Variants in SLC30A7 observed in about 807,000 individuals in gnomAD.
SLC30A7 encodes zinc transporter 7.
A neutral mutation model predicts 46.0 loss-of-function variants in SLC30A7; 35 were observed. The ratio of observed to expected loss-of-function variants is 0.76; its 90% CI spans 0.58 to 1.01. The LOEUF (loss-of-function observed/expected upper bound fraction) is 1.01. Ranked by LOEUF, SLC30A7 falls within the 50% of genes least tolerant of loss-of-function variation. The pLI is 0.00. For missense variants in SLC30A7, 464 were observed against 451.1 expected, an observed-to-expected ratio of 1.03 and a Z score of -0.26; for synonymous variants, 147 against 157.8, an observed-to-expected ratio of 0.93 and a Z score of 0.51.
At chr1:100,971,830 G>T (rs1446573052) in intron 10 of SLC30A7, among the ~76,000 whole-genome samples, 1 of 152,154 alleles carries the variant, frequency 6.6e-6, no homozygotes, top group South Asian at 2.1e-4. Flanking sequence ...ATGTACAGTC[G>T]AAATAATTTT....
chr1:100,924,942 C>T (rs957498996), intron 8 of SLC30A7, among the ~76,000 whole-genome samples: 36 of 152,158 alleles, frequency 2.4e-4, no homozygotes, highest in Non-Finnish European at 1.6e-4. Flanking sequence ...CCTACTTAAT[C>T]GTAGATAAGA....
chr1:100,906,791 G>A (rs1651704054), intron 2 of SLC30A7, 61 bp from the exon 3 acceptor site: 1 of 1,118,348 alleles, frequency 8.9e-7, no homozygotes, highest in Admixed American at 1.7e-5. Flanking sequence ...TAGACTTTCA[G>A]AGAAAGATGC....
intron 8 of SLC30A7, among the ~76,000 whole-genome samples, chr1:100,935,388 A>G (rs1275217957): frequency 6.6e-6 from 1 of 152,156 alleles, no homozygotes. Flanking sequence ...TTCAGAAACC[A>G]AAACTAGTTC....
At chr1:100,900,679 A>C (rs1651252893) in intron 2 of SLC30A7, among the ~76,000 whole-genome samples, 1 of 152,146 alleles carries the variant, frequency 6.6e-6, no homozygotes, top group Admixed American at 6.5e-5. Flanking sequence ...TTTCACTGTA[A>C]CTCATTTAGT....
chr1:100,912,237 T>C lies in SLC30A7; in HGVS notation c.510T>C (p.Ser170=), dbSNP rs1036444702. The C allele has an allele frequency of 3.1e-6, 5 of 1,613,240 alleles. No homozygotes were observed. The highest frequency in any genetic ancestry group is 4.2e-6 in the Non-Finnish European group (5 of 1,179,734). The change falls in exon 5 of 11, where the codon TCT becomes TCC. Residue 170 remains serine, a splice_region_variant and synonymous_variant. Transcript: ENST00000357650. ...KHGGHGHSHG[S]GHGHSHSLFN... is the part of the protein sequence containing the mutation. Reference sequence around the variant, plus strand: ...GAGGTCATGGACATTCTCATGGCTCTGGTATGATGGTTAGGACACTTTGTT... The same window carrying C: ...GAGGTCATGGACATTCTCATGGCTCCGGTATGATGGTTAGGACACTTTGTT...
At chr1:100,907,520 A>T (rs576984206) in intron 3 of SLC30A7, among the ~76,000 whole-genome samples, 3 of 152,182 alleles carry the variant, frequency 2.0e-5, no homozygotes, top group Admixed American at 6.5e-5. Flanking sequence ...TGGATTTTTC[A>T]TTATTTGATT....
chr1:100,946,917 G>T (rs1654674811), intron 8 of SLC30A7, among the ~76,000 whole-genome samples: 1 of 152,016 alleles, frequency 6.6e-6, no homozygotes, highest in African/African-American at 2.4e-5. Flanking sequence ...GTCTGGTCCT[G>T]GACTTTTTTT....
intron 10 of SLC30A7, among the ~76,000 whole-genome samples, chr1:100,971,555 T>C (rs1303481146): frequency 6.6e-6 from 1 of 152,106 alleles, no homozygotes; most frequent in Non-Finnish European, 1.5e-5. Flanking sequence ...GGTTGATGAA[T>C]AGTGGTGGAA....
At chr1:100,989,414 C>T in the SLC30A7 span, among the ~76,000 whole-genome samples, 2 of 152,090 alleles carry the variant, frequency 1.3e-5, no homozygotes, top group Non-Finnish European at 1.5e-5. Flanking sequence ...GTATGAGCCA[C>T]GTAATTAGGA....
the SLC30A7 span, among the ~76,000 whole-genome samples, chr1:100,988,763 T>A: frequency 1.3e-5 from 2 of 152,020 alleles, no homozygotes; most frequent in Admixed American, 6.6e-5. Flanking sequence ...GGCAGGATAA[T>A]CGCTTGAACC....
downstream of SLC30A7, among the ~76,000 whole-genome samples, chr1:100,984,344 C>T (rs1448453148): frequency 6.6e-6 from 1 of 152,122 alleles, no homozygotes; most frequent in Non-Finnish European, 1.5e-5. Flanking sequence ...GAGGCTCAAC[C>T]AAGAAGGGGA....
chr1:100,936,189 G>C (rs1250778274), intron 8 of SLC30A7, among the ~76,000 whole-genome samples: 1 of 151,828 alleles, frequency 6.6e-6, no homozygotes, highest in Non-Finnish European at 1.5e-5. Flanking sequence ...CGGCTGAAGT[G>C]GTAATTGTGA....
At chr1:100,950,632 T>C (rs529774775) in intron 8 of SLC30A7, among the ~76,000 whole-genome samples, 1 of 152,332 alleles carries the variant, frequency 6.6e-6, no homozygotes, top group South Asian at 2.1e-4. Context: ...TTTGCATTTT[T>C]TTCTGTGGGC....
chr1:100,897,455 T>G (rs1651042510), intron 2 of SLC30A7, among the ~76,000 whole-genome samples: 1 of 152,168 alleles, frequency 6.6e-6, no homozygotes, highest in Admixed American at 6.5e-5. Context: ...GATCCCATAC[T>G]CCTTCAAAAA....
chr1:100,919,792 A>G (rs377641129), intron 7 of SLC30A7, among the ~76,000 whole-genome samples: 1 of 152,288 alleles, frequency 6.6e-6, no homozygotes, highest in African/African-American at 2.4e-5. Context: ...AAGAACAGAG[A>G]AAACTACCTG....
At chr1:100,973,030 G>C (rs1449991079) in intron 10 of SLC30A7, among the ~76,000 whole-genome samples, 2 of 148,152 alleles carry the variant, frequency 1.3e-5, no homozygotes, top group African/African-American at 5.0e-5. Context: ...TCTTAAATTT[G>C]AATAACAGAG....
chr1:100,988,743 G>A, the SLC30A7 span, among the ~76,000 whole-genome samples: 4 of 151,988 alleles, frequency 2.6e-5, no homozygotes, highest in South Asian at 2.1e-4. Flanking sequence ...CCAGCTACTC[G>A]GGAGGCTGAG....
chr1:100,918,316 T>C (rs1570528482), intron 7 of SLC30A7, among the ~76,000 whole-genome samples, 189 bp downstream of exon 7: 1 of 152,206 alleles, frequency 6.6e-6, no homozygotes, highest in Non-Finnish European at 1.5e-5. Flanking sequence ...AATTGTCACT[T>C]GACTGTTTTC....
intron 9 of SLC30A7, among the ~76,000 whole-genome samples, chr1:100,965,556 C>T (rs1655813523): frequency 6.6e-6 from 1 of 152,194 alleles, no homozygotes; most frequent in South Asian, 2.1e-4. Flanking sequence ...AATTTTGATA[C>T]ATGTTTGTTT....
Sources: gnomAD v4.1 joint callset for allele counts (sites outside exome capture counted in the v4.1 genomes callset) on GRCh38, gnomAD v4.1.1 for gene constraint, MANE v1.5 for transcripts, NCBI Gene and HGNC (gene_info 2026-07-23, HGNC 2026-07-21) for gene names.